Variants in ADGRL3 observed in about 807,000 individuals in gnomAD.
ADGRL3 encodes the protein adhesion G protein-coupled receptor L3.
ADGRL3 carries 62 observed loss-of-function variants against 153.5 expected under a neutral mutation model. The observed-to-expected ratio is 0.40, with a 90% CI of 0.33 to 0.50. ADGRL3 has a LOEUF of 0.50. Ranked by LOEUF, ADGRL3 falls within the 20% of genes least tolerant of loss-of-function variation. The probability of loss-of-function intolerance (pLI) is 0.47; values close to 1 mark genes in which losing one functional copy is unlikely to be tolerated. For missense variants in ADGRL3, 1,641 were observed against 1,859.4 expected, an observed-to-expected ratio of 0.88 and a Z score of 2.16; for synonymous variants, 710 against 672.5, an observed-to-expected ratio of 1.06 and a Z score of -0.86.
Position 61,733,203 on chromosome 4 carries a change from A to G in ADGRL3, c.1048A>G (p.Asn350Asp). Reference sequence around the variant, plus strand: ...GGTAATCTATGCAACAGAACAAAACAATGGTAAAATTGTCATTAGTCAATT... The same window carrying G: ...GGTAATCTATGCAACAGAACAAAACGATGGTAAAATTGTCATTAGTCAATT... ...LWVIYATEQN[N>D]GKIVISQLNP... Residue 350 changes from asparagine (N) to aspartate (D), a missense_variant, in exon 8 of 27, where the codon AAT (asparagine) becomes GAT (aspartate). Asn to Asp is a conservative substitution (Grantham distance 23). Coordinates refer to ENST00000683033, the MANE Select transcript of ADGRL3 (RefSeq NM_001387552.1). 2 of 1,613,574 alleles carry G rather than the reference A, an allele frequency of 1.2e-6. No individual in the cohort carries two copies. Among genetic ancestry groups the G allele is most frequent in the Non-Finnish European group, 1.7e-6 (2 of 1,179,742 alleles).
intron 3 of ADGRL3, among the ~76,000 whole-genome samples, chr4:61,501,880 C>T (rs2098390577): frequency 6.6e-6 from 1 of 152,244 alleles, no homozygotes; most frequent in Middle Eastern, 3.4e-3. Flanking sequence ...CTATGTTTAT[C>T]TGTCCATATT....
chr4:61,892,577 A>T (rs2098596454), intron 9 of ADGRL3, 79 bp from the exon 10 acceptor site: 4 of 1,025,668 alleles, frequency 3.9e-6, no homozygotes, highest in Middle Eastern at 2.1e-4. Flanking sequence ...AAATAAAAAC[A>T]ATTTCTAAAG....
intron 1 of ADGRL3, among the ~76,000 whole-genome samples, chr4:61,345,810 T>C (rs1305143441): frequency 6.6e-6 from 1 of 152,184 alleles, no homozygotes; most frequent in Non-Finnish European, 1.5e-5. Flanking sequence ...AGTAGCAAAA[T>C]ATTTCATTTC....
At chr4:61,314,772 G>T (rs1277475007) in intron 1 of ADGRL3, among the ~76,000 whole-genome samples, 1 of 152,170 alleles carries the variant, frequency 6.6e-6, no homozygotes, top group African/African-American at 2.4e-5. Context: ...CTGGAATCTA[G>T]TGAGTACAGT....
chr4:61,653,223 C>A (rs1184412704), intron 5 of ADGRL3, among the ~76,000 whole-genome samples: 1 of 149,994 alleles, frequency 6.7e-6, no homozygotes, highest in Non-Finnish European at 1.5e-5. Flanking sequence ...CATATGAGAA[C>A]ATAGAAAGAA....
At chr4:61,383,356 A>C (rs1285868369) in intron 2 of ADGRL3, among the ~76,000 whole-genome samples, 167 bp downstream of exon 2, 1 of 151,694 alleles carries the variant, frequency 6.6e-6, no homozygotes, top group Non-Finnish European at 1.5e-5. Context: ...ATAAATTGCC[A>C]TTTCTTGTTA....
At chr4:61,917,149 A>G (rs1242243660) in intron 13 of ADGRL3, among the ~76,000 whole-genome samples, 3 of 152,132 alleles carry the variant, frequency 2.0e-5, no homozygotes, top group African/African-American at 4.8e-5. Context: ...TCACACAATA[A>G]TAATTGAAGG....
intron 1 of ADGRL3, among the ~76,000 whole-genome samples, chr4:61,287,044 C>T (rs1462277391): frequency 6.6e-6 from 1 of 151,704 alleles, no homozygotes; most frequent in Non-Finnish European, 1.5e-5. Context: ...TAATGATTAA[C>T]ATCACCAATA....
chr4:61,299,406 A>G (rs2150318538), intron 1 of ADGRL3, among the ~76,000 whole-genome samples: 1 of 152,272 alleles, frequency 6.6e-6, no homozygotes, highest in South Asian at 2.1e-4. Context: ...GTTTTTTGTC[A>G]GCATCCTCAG....
intron 5 of ADGRL3, among the ~76,000 whole-genome samples, chr4:61,660,770 T>C (rs2094571201): frequency 6.6e-6 from 1 of 152,108 alleles, no homozygotes; most frequent in Admixed American, 6.5e-5. Flanking sequence ...TCTGAGTAAC[T>C]TTCCACATTA....
At chr4:61,254,589 C>A (rs1474896692) in intron 1 of ADGRL3, among the ~76,000 whole-genome samples, 10 of 152,114 alleles carry the variant, frequency 6.6e-5, no homozygotes, top group African/African-American at 2.4e-4. Context: ...CCTTATAGAT[C>A]CCTCCTCTTG....
chr4:61,427,103 GAGA>G (rs1288280128), intron 2 of ADGRL3: 1 of 138,576 alleles, frequency 7.2e-6, no homozygotes, highest in African/African-American at 2.6e-5. Flanking sequence ...ACAGTGGCCA[GAGA>G]GCCGAAAGCA....
At chr4:61,264,561 A>G (rs1371953908) in intron 1 of ADGRL3, among the ~76,000 whole-genome samples, 2 of 152,012 alleles carry the variant, frequency 1.3e-5, no homozygotes, top group African/African-American at 2.4e-5. Context: ...TCACCCATGT[A>G]TGTATTCAAG....
In ADGRL3 at chr4:61,710,153, CTG is replaced by C. The variant is rs371396417; in HGVS notation, c.584-20466_584-20465del. Among the ~76,000 whole-genome samples, 111 of 152,224 alleles carry C rather than the reference CTG, an allele frequency of 7.3e-4. 1 individual carries two copies. Among genetic ancestry groups the C allele is most frequent in the African/African-American group, 2.6e-3 (110 of 41,530 alleles). ...ACGGCTTTAAACGCAGTTCTGAAGT[CTG>C]TGGTTGGATGGTAAGTTTGTCCCAG... On this transcript the variant is annotated intron_variant, in intron 6 of 26. Transcript: ENST00000683033.
At chr4:61,926,915 C>T (rs1410118693) in intron 13 of ADGRL3, among the ~76,000 whole-genome samples, 3 of 152,132 alleles carry the variant, frequency 2.0e-5, no homozygotes, top group Admixed American at 6.5e-5. Context: ...CTTTGCAGTG[C>T]CTATTCTCTT....
intron 1 of ADGRL3, among the ~76,000 whole-genome samples, chr4:61,370,095 T>C (rs1362283284): frequency 6.6e-6 from 1 of 152,220 alleles, no homozygotes; most frequent in South Asian, 2.1e-4. Context: ...TCATTTTCTA[T>C]TGCGTCTATT....
intron 25 of ADGRL3, among the ~76,000 whole-genome samples, chr4:62,059,113 C>T (rs978429521): frequency 1.3e-5 from 2 of 152,094 alleles, no homozygotes; most frequent in African/African-American, 4.8e-5. Flanking sequence ...GATAGTAGTA[C>T]CTTCTAGGAA....
chr4:61,691,116 T>C (rs1019822366), intron 6 of ADGRL3, among the ~76,000 whole-genome samples: 4 of 152,180 alleles, frequency 2.6e-5, no homozygotes, highest in Admixed American at 6.5e-5. Context: ...TAGAACTCTG[T>C]ACTTCTTAAT....
At chr4:61,871,256 T>G (rs191436403) in intron 9 of ADGRL3, among the ~76,000 whole-genome samples, 1 of 149,450 alleles carries the variant, frequency 6.7e-6, no homozygotes, top group Non-Finnish European at 1.5e-5. Flanking sequence ...CCAGCCTGGG[T>G]GACAGAGTGA....
Sources: gnomAD v4.1 joint callset for allele counts (sites outside exome capture counted in the v4.1 genomes callset) on GRCh38, gnomAD v4.1.1 for gene constraint, MANE v1.5 for transcripts, NCBI Gene and HGNC (gene_info 2026-07-23, HGNC 2026-07-21) for gene names.